Variants in CD33 observed in about 807,000 individuals in gnomAD.
CD33 encodes the protein myeloid cell surface antigen CD33.
CD33 carries 25 observed loss-of-function variants against 31.4 expected under a neutral mutation model. The observed-to-expected ratio is 0.80, with a 90% CI of 0.58 to 1.11. The LOEUF (loss-of-function observed/expected upper bound fraction) is 1.11, where lower values mean the gene tolerates loss of function less well. Ranked by LOEUF, CD33 falls within the 50% of genes most tolerant of loss-of-function variation. The pLI is 0.00. For missense variants in CD33, 407 were observed against 448.1 expected (o/e 0.91, Z 0.83); for synonymous variants, 176 against 180.6 (o/e 0.97, Z 0.20).
chr19:51,218,318 A>T, the CD33 span, among the ~76,000 whole-genome samples: 1 of 152,188 alleles, frequency 6.6e-6, no homozygotes, highest in Non-Finnish European at 1.5e-5. Context: ...GGCCACTTGT[A>T]TGTCTTCTTT....
chr19:51,233,189 T>C (rs1000041874), intron 4 of CD33, among the ~76,000 whole-genome samples: 9 of 152,200 alleles, frequency 5.9e-5, no homozygotes, highest in Non-Finnish European at 1.3e-4. Flanking sequence ...TAAGGCTGTT[T>C]CTCAGAGCCT....
chr19:51,226,088 G>T lies in CD33; in HGVS notation c.697+7G>T, dbSNP rs1981005917. On this transcript the variant is annotated splice_region_variant and intron_variant, in intron 3 of 6. Transcript: ENST00000262262. ...ATCCAGCTCAACGTCACCTGTAAGT[G>T]CTGGGCCAGGATGCTGGGGTCCCTG... is the stretch of plus-strand genomic sequence containing the variant. 2.3e-5 allele frequency: 37 copies of T among 1,613,172 alleles called. No homozygotes were observed. Among genetic ancestry groups the T allele is most frequent in the Non-Finnish European group, 3.0e-5 (35 of 1,179,298 alleles).
upstream of CD33, among the ~76,000 whole-genome samples, chr19:51,223,711 T>C (rs531814033): frequency 3.9e-5 from 6 of 152,346 alleles, no homozygotes; most frequent in East Asian, 1.2e-3. Flanking sequence ...TCATAGAACA[T>C]GTGTTCTCCC....
chr19:51,227,255 A>G (rs564885239), intron 4 of CD33, among the ~76,000 whole-genome samples: 86 of 152,316 alleles, frequency 5.6e-4, no homozygotes, highest in African/African-American at 1.9e-3. Flanking sequence ...TTGCTGGATC[A>G]TATGGTAGTT....
upstream of CD33, among the ~76,000 whole-genome samples, chr19:51,224,907 T>G (rs1377712766): frequency 1.3e-5 from 2 of 152,168 alleles, no homozygotes; most frequent in Non-Finnish European, 2.9e-5. Flanking sequence ...TCCTCCCATC[T>G]CTGGGCGGGT....
the CD33 span, chr19:51,211,619 G>C: frequency 6.9e-7 from 1 of 1,451,288 alleles, no homozygotes; most frequent in Non-Finnish European, 9.3e-7. Flanking sequence ...GCAGCCACAA[G>C]GGAAGGTCAA....
At position 51,226,025 on chromosome 19, in the gene CD33, T is replaced by G; in HGVS notation, c.641T>G (p.Val214Gly). The change falls in exon 3 of 7, where the codon GTG becomes GGG. Residue 214 changes from valine (V) to glycine (G), a missense_variant. Physicochemically the swap from Val to Gly is moderately radical, Grantham distance 109 (BLOSUM62 -3). Coordinates refer to ENST00000262262, the MANE Select transcript of CD33 (RefSeq NM_001772.4). ...CACGGCACCAACCTGACCTGTCAGG[T>G]GAAGTTCGCTGGAGCTGGTGTGACT... is the stretch of plus-strand genomic sequence containing the variant. ...QDHGTNLTCQ[V>G]KFAGAGVTTE... 1 of 1,613,748 alleles carries G rather than the reference T, an allele frequency of 6.2e-7. No homozygotes were observed. The highest frequency in any genetic ancestry group is 8.5e-7 in the Non-Finnish European group (1 of 1,179,922).
chr19:51,239,237 G>T, intron 6 of CD33: 1 of 254,986 alleles, frequency 3.9e-6, no homozygotes, highest in Non-Finnish European at 7.4e-6. Context: ...TCTGTAAAAT[G>T]GATTAAAATA....
Position 51,226,308 on chromosome 19 carries a change from G to C in CD33, c.698-1G>C. On this transcript the variant is annotated splice_acceptor_variant, in intron 3 of 6. Transcript: ENST00000262262. LOFTEE classifies it high-confidence loss of function. ...AAGGAAATCCTCTCTTCCTCTCCTA[G>C]ATGTTCCACAGAACCCAACAACTGG... The C allele has an allele frequency of 1.2e-6, 2 of 1,613,832 alleles. No individual in the cohort carries two copies. Among genetic ancestry groups the C allele is most frequent in the Non-Finnish European group, 1.7e-6 (2 of 1,179,794 alleles).
chr19:51,211,893 C>T, the CD33 span: 29 of 1,439,662 alleles, frequency 2.0e-5, no homozygotes, highest in Non-Finnish European at 2.2e-5. Flanking sequence ...GCAGGGGACG[C>T]CCCCCATCTT....
chr19:51,211,744 G>A, the CD33 span: 25 of 775,946 alleles, frequency 3.2e-5, no homozygotes, highest in Non-Finnish European at 5.2e-5. Context: ...CCTCAGGGCT[G>A]TACCTCAGTC....
At chr19:51,236,036 T>C (rs1460576081) in intron 6 of CD33, 6 of 550,666 alleles carry the variant, frequency 1.1e-5, no homozygotes, top group Middle Eastern at 5.0e-4. Flanking sequence ...CTGGCGCCTG[T>C]AGTCCCAGCT....
At chr19:51,225,638 A>T in intron 2 of CD33, 40 bp downstream of exon 2, 1 of 1,538,902 alleles carries the variant, frequency 6.5e-7, no homozygotes, top group South Asian at 1.3e-5. Flanking sequence ...AGGGAAGTTC[A>T]TGGGTACTGC....
At chr19:51,235,466 C>A in intron 5 of CD33, 129 bp from the exon 6 acceptor site, 3 of 1,451,840 alleles carry the variant, frequency 2.1e-6, no homozygotes, top group Non-Finnish European at 9.1e-7. Context: ...GACCTTGTGA[C>A]TAAGTCTTGT....
At chr19:51,220,219 T>C (rs1980620976), upstream of CD33, among the ~76,000 whole-genome samples, 1 of 152,240 alleles carries the variant, frequency 6.6e-6, no homozygotes, top group South Asian at 2.1e-4. Context: ...TTCTATTTCT[T>C]CCTGATTCAA....
intron 5 of CD33, 111 bp from the exon 6 acceptor site, chr19:51,235,484 C>T (rs1338307993): frequency 6.8e-7 from 1 of 1,470,532 alleles, no homozygotes; most frequent in African/African-American, 1.4e-5. Context: ...TGTTTGAGGG[C>T]TCCTGGATTA....
rs141864348 is a variant in CD33, at chr19:51,225,715, G to A, written c.419-88G>A. 51 of 1,540,258 alleles carry A rather than the reference G, an allele frequency of 3.3e-5. No individual in the cohort carries two copies. In the Admixed American group the frequency reaches 3.3e-4, roughly 10 times the overall value. On this transcript the variant is annotated intron_variant, in intron 2 of 6. Transcript: ENST00000262262. Reference sequence around the variant, plus strand: ...AGGGGTAAAGCCTGTCGTGCTTAGCGGGGGAGCTTGACCAGAGGTTGATCT... The same window carrying A: ...AGGGGTAAAGCCTGTCGTGCTTAGCAGGGGAGCTTGACCAGAGGTTGATCT...
chr19:51,238,480 A>C (rs1422349211), intron 6 of CD33: 1 of 152,316 alleles, frequency 6.6e-6, no homozygotes, highest in African/African-American at 2.4e-5. Context: ...TGAGGTGTAA[A>C]TGGTGAGAAA....
At chr19:51,235,500 AC>A in intron 5 of CD33, 94 bp from the exon 6 acceptor site, 1 of 1,487,312 alleles carries the variant, frequency 6.7e-7, no homozygotes. Context: ...GATTAATCCC[AC>A]CCTTTACCTG....
Sources: allele counts gnomAD v4.1 joint callset (sites outside exome capture counted in the v4.1 genomes callset), GRCh38; gene constraint gnomAD v4.1.1; transcripts MANE v1.5; gene names NCBI Gene and HGNC (gene_info 2026-07-23, HGNC 2026-07-21).